The following PCDHGA9 variants were observed in gnomAD, a reference collection of about 807,000 sequenced individuals.
PCDHGA9 encodes protocadherin gamma subfamily A, 9.
Under a neutral mutation model 62.5 loss-of-function variants are expected in PCDHGA9, and 37 were observed. That is an observed-to-expected ratio of 0.59 (90% CI 0.46 to 0.78). The LOEUF (loss-of-function observed/expected upper bound fraction) is 0.78. Ranked by LOEUF, PCDHGA9 falls within the 30% of genes least tolerant of loss-of-function variation. The pLI is 0.00. For synonymous variants in PCDHGA9, 459 were observed against 484.6 expected (o/e 0.95, Z 0.69); for missense variants, 1,138 against 1,166.2 (o/e 0.98, Z 0.35).
intron 1 of PCDHGA9, among the ~76,000 whole-genome samples, chr5:141,457,215 T>C (rs1356941645): frequency 1.3e-5 from 2 of 152,186 alleles, no homozygotes; most frequent in South Asian, 2.1e-4. Flanking sequence ...AAATGTGGTG[T>C]GGTAGGTAAT....
At chr5:141,464,480 A>T (rs1013894368) in intron 1 of PCDHGA9, among the ~76,000 whole-genome samples, 4 of 151,864 alleles carry the variant, frequency 2.6e-5, no homozygotes, top group African/African-American at 7.3e-5. Flanking sequence ...CGTATAATAA[A>T]TTCCTAATAG....
chr5:141,453,022 T>C (rs1222692572), intron 1 of PCDHGA9, among the ~76,000 whole-genome samples: 1 of 152,230 alleles, frequency 6.6e-6, no homozygotes, highest in Non-Finnish European at 1.5e-5. Flanking sequence ...ATGTGATTCA[T>C]TAAAATAAAG....
In PCDHGA9 at chr5:141,476,584, C is replaced by G. The variant is rs140544807; in HGVS notation, c.2425-18223C>G. ...TGGCTCCGGGGACGCGCTTTCCGCTCGAGAGCGCGCACGATCCCGATGTGG... is the reference window on the plus strand; with the variant it reads ...TGGCTCCGGGGACGCGCTTTCCGCTGGAGAGCGCGCACGATCCCGATGTGG... On this transcript the variant is annotated intron_variant, in intron 1 of 3. Coordinates refer to ENST00000573521, the MANE Select transcript of PCDHGA9 (RefSeq NM_018921.3). This position sits in a 1 kb window ranked among gnomAD's most constrained non-coding sequence, Gnocchi z 7.6. 1.2e-5 allele frequency: 19 copies of G among 1,614,100 alleles called. No homozygotes were observed. The African/African-American group carries it at 2.3e-4, about 19-fold the overall frequency.
At chr5:141,461,825 T>C (rs2099024418) in intron 1 of PCDHGA9, among the ~76,000 whole-genome samples, 1 of 151,778 alleles carries the variant, frequency 6.6e-6, no homozygotes, top group African/African-American at 2.4e-5. Context: ...AGCTAATTTT[T>C]TTTTCTTTTT....
At chr5:141,425,484 TA>T (rs929097245) in intron 1 of PCDHGA9, among the ~76,000 whole-genome samples, 1 of 152,258 alleles carries the variant, frequency 6.6e-6, no homozygotes, top group African/African-American at 2.4e-5. Context: ...TATGGCAACC[TA>T]CTAGGCTATA....
intron 1 of PCDHGA9, among the ~76,000 whole-genome samples, chr5:141,445,740 A>T (rs993128906): frequency 2.6e-5 from 4 of 152,226 alleles, no homozygotes; most frequent in Admixed American, 1.3e-4. Flanking sequence ...AGATCTTTTT[A>T]AAAAATAAAA....
At chr5:141,509,669 G>GAGAA (rs2099877764) in intron 3 of PCDHGA9, among the ~76,000 whole-genome samples, 1 of 152,180 alleles carries the variant, frequency 6.6e-6, no homozygotes, top group African/African-American at 2.4e-5. Flanking sequence ...CTGGGCCCCA[G>GAGAA]TTTCTTCTTC....
intron 1 of PCDHGA9, chr5:141,419,534 G>C: frequency 6.2e-7 from 1 of 1,612,078 alleles, no homozygotes; most frequent in African/African-American, 1.3e-5. Context: ...TAACGACAAC[G>C]CACCGCGGGT....
chr5:141,416,378 A>C (rs2096019434), intron 1 of PCDHGA9: 1 of 152,230 alleles, frequency 6.6e-6, no homozygotes, highest in South Asian at 2.1e-4. Flanking sequence ...GAAATTAAGA[A>C]TATTTGGGAT....
At chr5:141,425,018 T>C (rs2096853023) in intron 1 of PCDHGA9, among the ~76,000 whole-genome samples, 1 of 152,224 alleles carries the variant, frequency 6.6e-6, no homozygotes, top group Non-Finnish European at 1.5e-5. Context: ...TTTAGGAATT[T>C]ACCTTATGTC....
chr5:141,424,655 TTTAA>T (rs1162406206), intron 1 of PCDHGA9: 3 of 152,238 alleles, frequency 2.0e-5, no homozygotes, highest in Non-Finnish European at 4.4e-5. Flanking sequence ...GTATTTGGAC[TTTAA>T]TTAAACTGAT....
intron 1 of PCDHGA9, among the ~76,000 whole-genome samples, chr5:141,425,694 A>G (rs1006103007): frequency 6.6e-6 from 1 of 152,240 alleles, no homozygotes; most frequent in Non-Finnish European, 1.5e-5. Context: ...ATATCATTTC[A>G]TAGTGGTCAA....
At chr5:141,428,613 C>T (rs1247239314) in intron 1 of PCDHGA9, 1 of 212,608 alleles carries the variant, frequency 4.7e-6, no homozygotes, top group African/African-American at 2.3e-5. Flanking sequence ...AAGAGAATAA[C>T]AAGATAAGCT....
rs770828917 is a variant in PCDHGA9 at position 141,431,306 on chromosome 5, C to G, written c.2424+25930C>G. ...GAACACTCACTTCTCCCTCATCGTG[C>G]AAAATGGAGCCGACGGTAGTAAGTA... On this transcript the variant is annotated intron_variant, in intron 1 of 3. Transcript: ENST00000573521. The surrounding 1 kb of genome is among the most constrained non-coding windows in gnomAD (Gnocchi z 4.8). 6.2e-7 allele frequency: 1 copy of G among 1,614,124 alleles called. No homozygotes were observed. The highest frequency in any genetic ancestry group is 2.2e-5 in the East Asian group (1 of 44,878).
Position 141,432,292 on chromosome 5 carries a change from T to G in PCDHGA9, c.2424+26916T>G. 6.2e-7 allele frequency: 1 copy of G among 1,614,196 alleles called. No homozygotes were observed. The highest frequency in any genetic ancestry group is 8.5e-7 in the Non-Finnish European group (1 of 1,180,042). On this transcript the variant is annotated intron_variant, in intron 1 of 3. Transcript: ENST00000573521. This position sits in a 1 kb window ranked among gnomAD's most constrained non-coding sequence, Gnocchi z 6.0. Reference sequence around the variant, plus strand: ...CCTACGTGTCCATCAACTCCGACACTGGGGTACTGTATGCGCTGAGCTCCT... The same window carrying G: ...CCTACGTGTCCATCAACTCCGACACGGGGGTACTGTATGCGCTGAGCTCCT...
Position 141,439,149 on chromosome 5 carries a change from C to T in PCDHGA9, c.2424+33773C>T, listed in dbSNP as rs543388568. Reference sequence around the variant, plus strand: ...CAGAGGTTGCAGTGAGCTGAGATCACGCCACTGCACTCCAGCCTGGGCGAC... The same window carrying T: ...CAGAGGTTGCAGTGAGCTGAGATCATGCCACTGCACTCCAGCCTGGGCGAC... On this transcript the variant is annotated intron_variant, in intron 1 of 3. Transcript: ENST00000573521. Among the ~76,000 whole-genome samples, 165 of 150,018 alleles carry T rather than the reference C, an allele frequency of 1.1e-3. 1 individual carries two copies. In the Middle Eastern group the frequency reaches 0.017, roughly 16 times the overall value.
Position 141,477,160 on chromosome 5 carries a change from C to A in PCDHGA9, c.2425-17647C>A, listed in dbSNP as rs768436526. The A allele has an allele frequency of 1.9e-5, 31 of 1,614,068 alleles. No homozygotes were observed. The African/African-American group carries it at 3.6e-4, about 19-fold the overall frequency. On this transcript the variant is annotated intron_variant, in intron 1 of 3. Coordinates refer to ENST00000573521, the MANE Select transcript of PCDHGA9 (RefSeq NM_018921.3). This position sits in a 1 kb window ranked among gnomAD's most constrained non-coding sequence, Gnocchi z 4.9. ...TGGAGGTTGTGGATGTGAATGACAA[C>A]GCCCCGGAGATCACAGTCACCTCCG...
chr5:141,414,568 A>G (rs1349020199), intron 1 of PCDHGA9: 2 of 1,613,914 alleles, frequency 1.2e-6, no homozygotes, highest in South Asian at 1.1e-5. Context: ...CTTTACCTAT[A>G]TCCCAGAGAA....
At position 141,491,578 on chromosome 5, in the gene PCDHGA9, C is replaced by T. The variant is rs1438933474; in HGVS notation, c.2425-3229C>T. 7.4e-6 allele frequency: 12 copies of T among 1,613,888 alleles called. No homozygotes were observed. The highest frequency in any genetic ancestry group is 1.0e-5 in the Non-Finnish European group (12 of 1,180,044). On this transcript the variant is annotated intron_variant, in intron 1 of 3. Coordinates refer to ENST00000573521, the MANE Select transcript of PCDHGA9 (RefSeq NM_018921.3). This position sits in a 1 kb window ranked among gnomAD's most constrained non-coding sequence, Gnocchi z 6.9. ...CCACTGCTACAGGACGTGCTTTTCA[C>T]CGGCCTCGGACGGCAGTGACTTCAC...
Sources: allele counts gnomAD v4.1 joint callset (sites outside exome capture counted in the v4.1 genomes callset), GRCh38; gene constraint gnomAD v4.1.1; non-coding constraint Gnocchi (gnomAD v3.1); transcripts MANE v1.5; gene names NCBI Gene and HGNC (gene_info 2026-07-23, HGNC 2026-07-21).